CCDC149: variants seen among roughly 807,000 people sequenced by gnomAD.
CCDC149 encodes coiled-coil domain containing 149.
In CCDC149, 45 loss-of-function variants were observed where a neutral mutation model predicts 59.9. That is an observed-to-expected ratio of 0.75 (90% CI 0.59 to 0.96). The LOEUF is 0.96. Among genes scored for constraint, CCDC149 ranks in the 40% least tolerant of loss-of-function variants. The pLI is 0.00. For synonymous variants in CCDC149, 245 were observed against 260.6 expected, an observed-to-expected ratio of 0.94 and a Z score of 0.58; for missense variants, 584 against 664.7, an observed-to-expected ratio of 0.88 and a Z score of 1.33.
At chr4:24,909,159 A>G (rs192911814) in intron 1 of CCDC149, among the ~76,000 whole-genome samples, 47 of 152,324 alleles carry the variant, frequency 3.1e-4, no homozygotes, top group Admixed American at 6.5e-4. Flanking sequence ...ATTGTTTTAA[A>G]TGAAAACTGC....
At chr4:24,963,937 G>A (rs1407424500) in intron 1 of CCDC149, among the ~76,000 whole-genome samples, 4 of 152,172 alleles carry the variant, frequency 2.6e-5, no homozygotes, top group Non-Finnish European at 5.9e-5. Context: ...CAAGGTAGGA[G>A]GATCCCAAGC....
At chr4:24,929,495 A>C (rs1395219446) in intron 1 of CCDC149, among the ~76,000 whole-genome samples, 2 of 152,272 alleles carry the variant, frequency 1.3e-5, no homozygotes, top group African/African-American at 4.8e-5. Flanking sequence ...GAAAAAATAG[A>C]AACTGTGGAG....
chr4:24,877,915 A>G (rs1359017862), intron 1 of CCDC149, among the ~76,000 whole-genome samples: 2 of 152,214 alleles, frequency 1.3e-5, no homozygotes, highest in Admixed American at 6.5e-5. Flanking sequence ...TTATTCACAT[A>G]TGTGAAATGT....
chr4:24,879,517 CAAAAA>C (rs34213743), intron 1 of CCDC149, among the ~76,000 whole-genome samples: 2 of 115,958 alleles, frequency 1.7e-5, no homozygotes, highest in Admixed American at 9.1e-5. Flanking sequence ...ACTCTTGTCT[CAAAAA>C]AAAAAAAAAA....
At chr4:24,855,055 C>A (rs538847715) in intron 3 of CCDC149, among the ~76,000 whole-genome samples, 2 of 152,304 alleles carry the variant, frequency 1.3e-5, no homozygotes, top group African/African-American at 4.8e-5. Context: ...CTCCTTGTCT[C>A]CCTCTCCTTA....
intron 12 of CCDC149, among the ~76,000 whole-genome samples, chr4:24,815,734 T>C (rs1267244993): frequency 6.6e-6 from 1 of 152,224 alleles, no homozygotes; most frequent in African/African-American, 2.4e-5. Context: ...TATTTTGCCT[T>C]GTGCCATTTC....
intron 1 of CCDC149, among the ~76,000 whole-genome samples, chr4:24,935,761 A>C (rs79795044): frequency 0.011 from 1,650 of 152,320 alleles, 16 homozygotes; most frequent in Non-Finnish European, 0.014. Flanking sequence ...TTGTTATAGC[A>C]GTCAGAAAAG....
Position 24,912,908 on chromosome 4 carries a change from G to GCCA in CCDC149, c.-30_-29insTGG, listed in dbSNP as rs1560253936. On this transcript the variant is annotated 5_prime_UTR_variant, in exon 1 of 13. Transcript: ENST00000635206. ...CTGGCCGGCCTCCTGGACCCCCGCC[G>GCCA]CCTCCTCCTCCTCGCGACGTCGCGT... The GCCA allele has an allele frequency of 1.6e-6, 2 of 1,275,104 alleles. No homozygotes were observed. Among genetic ancestry groups the GCCA allele is most frequent in the Admixed American group, 5.7e-5 (2 of 35,008 alleles). 79.0% of individuals were successfully genotyped at this position (1,275,104 alleles called of 1,614,324 possible).
chr4:24,890,912 T>C (rs1318773585), intron 1 of CCDC149, among the ~76,000 whole-genome samples: 1 of 152,148 alleles, frequency 6.6e-6, no homozygotes, highest in Admixed American at 6.5e-5. Flanking sequence ...TTTCAACCAA[T>C]CATGATCAAC....
Position 24,837,455 on chromosome 4 carries a change from G to C in CCDC149, c.490-55C>G. On this transcript the variant is annotated intron_variant, in intron 5 of 12. Transcript: ENST00000635206. The surrounding 1 kb of genome is among the most constrained non-coding windows in gnomAD (Gnocchi z 4.3). ...GATGTTCCTCAGGCTCCAGCTTTAT[G>C]GCCAGAGATGGAGCCTCCCACTTGG... 1.3e-6 allele frequency: 2 copies of C among 1,556,672 alleles called. No homozygotes were observed. Among genetic ancestry groups the C allele is most frequent in the Non-Finnish European group, 1.8e-6 (2 of 1,134,552 alleles).
At chr4:24,930,080 A>C (rs928683493) in intron 1 of CCDC149, among the ~76,000 whole-genome samples, 2 of 152,250 alleles carry the variant, frequency 1.3e-5, no homozygotes, top group Non-Finnish European at 2.9e-5. Context: ...CTGGACATAC[A>C]GACAAATGAC....
chr4:24,929,151 C>T (rs1253784549), intron 1 of CCDC149, among the ~76,000 whole-genome samples: 1 of 152,158 alleles, frequency 6.6e-6, no homozygotes, highest in East Asian at 1.9e-4. Flanking sequence ...CCATTCCAAG[C>T]TGGCCTAAAT....
At chr4:24,816,858 C>T (rs77022791) in intron 12 of CCDC149, among the ~76,000 whole-genome samples, 3,523 of 152,206 alleles carry the variant, frequency 0.023, 113 homozygotes, top group African/African-American at 0.078. Context: ...ACGTGTCCCC[C>T]GCTCCCCACT....
intron 3 of CCDC149, among the ~76,000 whole-genome samples, chr4:24,865,886 C>A (rs1440021122): frequency 1.3e-5 from 2 of 152,144 alleles, no homozygotes; most frequent in African/African-American, 2.4e-5. Context: ...TTAGTCCTCA[C>A]AATAAAGTTG....
chr4:24,845,134 T>C (rs1717203304), intron 4 of CCDC149, among the ~76,000 whole-genome samples: 1 of 152,206 alleles, frequency 6.6e-6, no homozygotes, highest in Admixed American at 6.5e-5. Flanking sequence ...GAGAATGTGC[T>C]CTATGTCAAG....
At chr4:24,825,570 G>A (rs1341627744) in intron 9 of CCDC149, among the ~76,000 whole-genome samples, 3 of 151,962 alleles carry the variant, frequency 2.0e-5, no homozygotes, top group Admixed American at 1.3e-4. Context: ...TCAGGAGATC[G>A]AGACCATCCT....
At chr4:24,873,599 TC>T in intron 3 of CCDC149, 81 bp downstream of exon 3, 1 of 923,702 alleles carries the variant, frequency 1.1e-6, no homozygotes, top group Non-Finnish European at 1.8e-6. Flanking sequence ...TAAAGGAAGT[TC>T]TCTACATTTT....
chr4:24,949,436 C>T (rs1014283329), intron 1 of CCDC149, among the ~76,000 whole-genome samples: 3 of 13,888 alleles, frequency 2.2e-4, no homozygotes, highest in East Asian at 1.9e-3. Flanking sequence ...GTAGTGGTGG[C>T]AGGGAGGGGG....
Position 24,853,195 on chromosome 4 carries a change from C to T in CCDC149, c.265-16G>A, listed in dbSNP as rs1717775938. The T allele has an allele frequency of 5.2e-6, 8 of 1,544,574 alleles. No individual in the cohort carries two copies. Among genetic ancestry groups the T allele is most frequent in the Non-Finnish European group, 7.2e-6 (8 of 1,117,540 alleles). ...CAAGATTAGCCTAGAAATATCAACA[C>T]ATTATGAAATACAATCAGAAATGGA... On this transcript the variant is annotated splice_polypyrimidine_tract_variant and intron_variant, in intron 3 of 12. Coordinates refer to ENST00000635206, the MANE Select transcript of CCDC149 (RefSeq NM_001330643.2).
Sources: allele counts gnomAD v4.1 joint callset (sites outside exome capture counted in the v4.1 genomes callset), GRCh38; gene constraint gnomAD v4.1.1; non-coding constraint Gnocchi (gnomAD v3.1); transcripts MANE v1.5; gene names NCBI Gene and HGNC (gene_info 2026-07-23, HGNC 2026-07-21).